Variants in ATIC observed in about 807,000 individuals in gnomAD.
The protein encoded by ATIC is bifunctional purine biosynthesis protein ATIC.
A neutral mutation model predicts 72.5 loss-of-function variants in ATIC; 64 were observed. The observed-to-expected ratio is 0.88, with a 90% CI of 0.72 to 1.09. The LOEUF is 1.09. Among genes scored for constraint, ATIC ranks in the 50% least tolerant of loss-of-function variants. The pLI, the probability that ATIC is intolerant of heterozygous loss-of-function variation, is 0.00. For synonymous variants in ATIC, 281 were observed against 267.1 expected (o/e 1.05, Z -0.51); for missense variants, 787 against 732.4 (o/e 1.07, Z -0.86).
chr2:215,356,969 C>T, the ATIC span, among the ~76,000 whole-genome samples: 3 of 152,224 alleles, frequency 2.0e-5, no homozygotes, highest in Admixed American at 6.5e-5. Flanking sequence ...ACTGTGAAGT[C>T]GTATGGTAAC....
chr2:215,317,487 T>C (rs767790146), intron 2 of ATIC, among the ~76,000 whole-genome samples: 120 of 152,178 alleles, frequency 7.9e-4, no homozygotes, highest in Non-Finnish European at 1.6e-3. Flanking sequence ...CTTCATGTGT[T>C]GTTGTTGTTG....
intron 2 of ATIC, among the ~76,000 whole-genome samples, chr2:215,314,864 AAG>A (rs1272641357): frequency 6.6e-6 from 1 of 152,206 alleles, no homozygotes; most frequent in Non-Finnish European, 1.5e-5. Flanking sequence ...ATATTTTTAT[AAG>A]AGAAGACAGG....
chr2:215,354,756 C>G (rs375950245), downstream of ATIC, among the ~76,000 whole-genome samples: 19 of 150,856 alleles, frequency 1.3e-4, no homozygotes, highest in African/African-American at 4.1e-4. Context: ...TTTACTATTT[C>G]TACTTCTGTT....
the ATIC span, among the ~76,000 whole-genome samples, chr2:215,360,287 AAAG>A: frequency 6.6e-6 from 1 of 152,206 alleles, no homozygotes; most frequent in African/African-American, 2.4e-5. Flanking sequence ...TTAAATTGAA[AAAG>A]AAATGACCTT....
intron 4 of ATIC, among the ~76,000 whole-genome samples, chr2:215,322,396 C>T (rs1450966205): frequency 6.9e-6 from 1 of 144,086 alleles, no homozygotes; most frequent in Non-Finnish European, 1.5e-5. Flanking sequence ...GTGGCGTGAT[C>T]TCGGCTCACT....
chr2:215,349,181 C>G lies in ATIC; in HGVS notation c.1591C>G (p.Leu531Val), dbSNP rs2053105003. Residue 531 changes from leucine to valine, a missense_variant, in exon 15 of 16, where the codon CTG (leucine) becomes GTG (valine). Transcript: ENST00000236959. ...AGAGAAGAAGGAATGGGTTGAGAAA[C>G]TGACTGAAGTTTCTATCAGCTCTGA... ...EAEKKEWVEKLTEVSISSDAF... is the reference protein window; with the variant it reads ...EAEKKEWVEKVTEVSISSDAF... 4.3e-6 allele frequency: 7 copies of G among 1,614,160 alleles called. 2 individuals are homozygous for G. The South Asian group carries it at 5.5e-5, about 13-fold the overall frequency.
At chr2:215,360,019 A>G in the ATIC span, among the ~76,000 whole-genome samples, 1 of 151,920 alleles carries the variant, frequency 6.6e-6, no homozygotes, top group African/African-American at 2.4e-5. Context: ...GCTCACTGCA[A>G]CCTCCGCCTT....
At chr2:215,336,209 A>G (rs1236317585) in intron 11 of ATIC, 85 bp downstream of exon 11, 2 of 1,021,064 alleles carry the variant, frequency 2.0e-6, no homozygotes, top group East Asian at 4.8e-5. Flanking sequence ...CTTTATACTC[A>G]TACCCTTCTA....
intron 7 of ATIC, among the ~76,000 whole-genome samples, chr2:215,328,700 C>T (rs1266145505): frequency 6.6e-6 from 1 of 150,978 alleles, no homozygotes; most frequent in Non-Finnish European, 1.5e-5. Flanking sequence ...TGTCTTCCCC[C>T]ATTAGGATGG....
chr2:215,332,914 G>A (rs748228257), intron 8 of ATIC, among the ~76,000 whole-genome samples: 1 of 152,240 alleles, frequency 6.6e-6, no homozygotes, highest in Non-Finnish European at 1.5e-5. Context: ...CATGAACTCC[G>A]CAATTGAGTT....
chr2:215,342,524 A>T (rs1406173659), intron 12 of ATIC, among the ~76,000 whole-genome samples: 1 of 152,126 alleles, frequency 6.6e-6, no homozygotes, highest in East Asian at 1.9e-4. Flanking sequence ...CATTTCCAAC[A>T]CTGCAGTGAT....
At chr2:215,317,816 A>G (rs138792463) in intron 2 of ATIC, among the ~76,000 whole-genome samples, 19 of 152,134 alleles carry the variant, frequency 1.2e-4, no homozygotes, top group African/African-American at 4.3e-4. Flanking sequence ...TTTTTGTTAC[A>G]TACTGCCAAA....
At chr2:215,357,916 A>C in the ATIC span, among the ~76,000 whole-genome samples, 1 of 151,522 alleles carries the variant, frequency 6.6e-6, no homozygotes, top group Non-Finnish European at 1.5e-5. Context: ...GTAACCTGCC[A>C]CATTCCCTAT....
chr2:215,312,692 C>T (rs2052667319), intron 2 of ATIC, 68 bp downstream of exon 2: 5 of 1,609,906 alleles, frequency 3.1e-6, no homozygotes, highest in Non-Finnish European at 4.2e-6. Context: ...GTATTCCAGG[C>T]ACCAGCAGCA....
At position 215,334,969 on chromosome 2, in the gene ATIC, T is replaced by C. The variant is rs778747159; in HGVS notation, c.973T>C (p.Cys325Arg). ...TGATTTTGTTGCATTGTCCGATGTT[T>C]GTGATGTACCAACTGCAAAAATTAT... The part of the protein sequence containing the change: ...FGDFVALSDV[C>R]DVPTAKIISR... The change falls in exon 10 of 16, where the codon TGT becomes CGT. Residue 325 changes from cysteine to arginine, a missense_variant. Cys to Arg is a radical substitution (Grantham distance 180). Coordinates refer to ENST00000236959, the MANE Select transcript of ATIC (RefSeq NM_004044.7). 2.5e-6 allele frequency: 4 copies of C among 1,613,584 alleles called. No homozygotes were observed. The highest frequency in any genetic ancestry group is 2.5e-6 in the Non-Finnish European group (3 of 1,179,766).
chr2:215,357,672 T>C, the ATIC span, among the ~76,000 whole-genome samples: 1 of 150,260 alleles, frequency 6.7e-6, no homozygotes, highest in African/African-American at 2.4e-5. Flanking sequence ...AAGTTGAATC[T>C]TTTATTTTAA....
chr2:215,312,334 G>T (rs974619782), intron 1 of ATIC, 164 bp from the exon 2 acceptor site: 3 of 1,494,184 alleles, frequency 2.0e-6, no homozygotes, highest in Non-Finnish European at 1.8e-6. Context: ...CCTTAGAGCA[G>T]CTCGCGGGTG....
chr2:215,365,330 A>G, the ATIC span, among the ~76,000 whole-genome samples: 2 of 152,212 alleles, frequency 1.3e-5, no homozygotes, highest in African/African-American at 4.8e-5. Context: ...ACATTAAATC[A>G]TGACTCATTT....
rs1385688101 is a variant in ATIC at position 215,349,620 on chromosome 2, C to T, written c.1744C>T (p.Leu582Phe). The T allele has an allele frequency of 1.9e-6, 3 of 1,614,210 alleles. No homozygotes were observed. In the African/African-American group the frequency reaches 4.0e-5, roughly 22 times the overall value. ...IEACDELGII[L>F]AHTNLRLFHH ...GGCCTGCGACGAACTGGGAATCATC[C>T]TCGCTCATACGAACCTTCGGCTCTT... Residue 582 changes from leucine (L) to phenylalanine (F), a missense_variant, in exon 16 of 16, where the codon CTC becomes TTC. By Grantham distance (22) the Leu-to-Phe change is conservative. Coordinates refer to ENST00000236959, the MANE Select transcript of ATIC (RefSeq NM_004044.7).
Sources: allele counts gnomAD v4.1 joint callset (sites outside exome capture counted in the v4.1 genomes callset), GRCh38; gene constraint gnomAD v4.1.1; transcripts MANE v1.5; gene names NCBI Gene and HGNC (gene_info 2026-07-23, HGNC 2026-07-21).